The following SGCZ variants were observed in gnomAD, a reference collection of about 807,000 sequenced individuals.
The protein encoded by SGCZ is zeta-sarcoglycan.
In SGCZ, 40 loss-of-function variants were observed where a neutral mutation model predicts 41.3. That is an observed-to-expected ratio of 0.97 (90% CI 0.75 to 1.26). SGCZ has a LOEUF of 1.26. Among genes scored for constraint, SGCZ ranks in the 50% most tolerant of loss-of-function variants. The pLI, the probability that SGCZ is intolerant of heterozygous loss-of-function variation, is 0.00. For synonymous variants in SGCZ, 206 were observed against 137.5 expected (o/e 1.50, Z -3.49); for missense variants, 552 against 369.8 (o/e 1.49, Z -4.04).
intron 1 of SGCZ, among the ~76,000 whole-genome samples, chr8:15,033,117 G>A (rs1385487724): frequency 6.6e-6 from 1 of 151,950 alleles, no homozygotes; most frequent in African/African-American, 2.4e-5. Flanking sequence ...GTCCAGGCCT[G>A]CTTTAAGAGT....
Position 14,942,417 on chromosome 8 carries a change from G to C in SGCZ, c.39+295168C>G, listed in dbSNP as rs140682656. 6.6e-5 allele frequency among the ~76,000 whole-genome samples: 10 copies of C among 152,174 alleles called. No individual in the cohort carries two copies. The East Asian group carries it at 1.9e-3, about 29-fold the overall frequency. ...TAGTAGCAGTTAGCAATTAATTCCTGGGGTAACTCTTTTAACAAACTAAAG... is the reference window on the plus strand; with the variant it reads ...TAGTAGCAGTTAGCAATTAATTCCTCGGGTAACTCTTTTAACAAACTAAAG... On this transcript the variant is annotated intron_variant, in intron 1 of 7. Coordinates refer to ENST00000382080, the MANE Select transcript of SGCZ (RefSeq NM_139167.4).
At chr8:14,568,151 G>A (rs566783186) in intron 1 of SGCZ, among the ~76,000 whole-genome samples, 2 of 151,864 alleles carry the variant, frequency 1.3e-5, no homozygotes, top group South Asian at 2.1e-4. Flanking sequence ...ACCAAACACC[G>A]CATATTCTCA....
chr8:14,520,980 G>A (rs1257532352), intron 2 of SGCZ, among the ~76,000 whole-genome samples: 1 of 152,110 alleles, frequency 6.6e-6, no homozygotes, highest in Non-Finnish European at 1.5e-5. Context: ...GTATATAATT[G>A]CTTTAATTAC....
At chr8:15,230,184 T>TA (rs1563196913) in intron 1 of SGCZ, among the ~76,000 whole-genome samples, 19 of 122,302 alleles carry the variant, frequency 1.6e-4, no homozygotes, top group Non-Finnish European at 2.4e-4. Flanking sequence ...AGGATACTAG[T>TA]TAAAAAAAAA....
chr8:14,246,909 C>CAAAAAA (rs5889525), intron 3 of SGCZ, among the ~76,000 whole-genome samples: 2 of 84,344 alleles, frequency 2.4e-5, no homozygotes, highest in African/African-American at 4.6e-5. Context: ...GACTCCATCT[C>CAAAAAA]AAAAAAAAAA....
rs1799841352 is a variant in SGCZ at position 14,428,135 on chromosome 8, TA to T, written c.235-103932del. ...ACACACACACACACACACACACACATATATATATATATATACACACACACAC... is the reference window on the plus strand; with the variant it reads ...ACACACACACACACACACACACACATTATATATATATATACACACACACAC... On this transcript the variant is annotated intron_variant, in intron 2 of 7. Coordinates refer to ENST00000382080, the MANE Select transcript of SGCZ (RefSeq NM_139167.4). Among the ~76,000 whole-genome samples the T allele has an allele frequency of 1.6e-3, 26 of 16,738 alleles. No individual in the cohort carries two copies. The East Asian group carries it at 0.025, about 16-fold the overall frequency. 11.0% of individuals were successfully genotyped at this position (16,738 alleles called of 152,430 possible).
At chr8:15,110,956 T>C (rs920265094) in intron 1 of SGCZ, among the ~76,000 whole-genome samples, 37 of 152,070 alleles carry the variant, frequency 2.4e-4, no homozygotes, top group African/African-American at 8.4e-4. Context: ...CAAAAAAAAG[T>C]GAAACTCCAT....
At chr8:14,788,473 G>A (rs972801853) in intron 1 of SGCZ, among the ~76,000 whole-genome samples, 3 of 152,152 alleles carry the variant, frequency 2.0e-5, no homozygotes, top group African/African-American at 4.8e-5. Context: ...GTGAAATTTT[G>A]TTGGGGCAGC....
chr8:14,684,068 C>A (rs993234), intron 1 of SGCZ, among the ~76,000 whole-genome samples: 5 of 152,172 alleles, frequency 3.3e-5, no homozygotes, highest in Admixed American at 6.5e-5. Flanking sequence ...ATTATGAAAC[C>A]CAACATGCCA....
chr8:15,237,156 G>A (rs1365944087), intron 1 of SGCZ, among the ~76,000 whole-genome samples: 2 of 152,220 alleles, frequency 1.3e-5, no homozygotes, highest in East Asian at 1.9e-4. Flanking sequence ...CTGGGGCACA[G>A]GCGGGATCGG....
intron 1 of SGCZ, among the ~76,000 whole-genome samples, chr8:14,798,492 G>T (rs1335285810): frequency 6.6e-6 from 1 of 152,030 alleles, no homozygotes; most frequent in Non-Finnish European, 1.5e-5. Flanking sequence ...AATAAACTAT[G>T]TACATGAAGA....
At chr8:15,141,910 C>CA (rs1171474541) in intron 1 of SGCZ, among the ~76,000 whole-genome samples, 2 of 134,920 alleles carry the variant, frequency 1.5e-5, no homozygotes, top group East Asian at 2.3e-4. Flanking sequence ...AAAAAAAAAA[C>CA]AAAAAAAATG....
chr8:14,760,970 G>C (rs1175356198), intron 1 of SGCZ, among the ~76,000 whole-genome samples: 1 of 152,168 alleles, frequency 6.6e-6, no homozygotes, highest in African/African-American at 2.4e-5. Flanking sequence ...TTGTTAAACT[G>C]TTGGATGTCA....
intron 1 of SGCZ, among the ~76,000 whole-genome samples, chr8:15,196,025 G>A (rs1800718257): frequency 6.9e-6 from 1 of 145,376 alleles, no homozygotes; most frequent in Non-Finnish European, 1.5e-5. Flanking sequence ...AGCCTCCCGA[G>A]TAGCTGGGAC....
In SGCZ at chr8:14,849,312, A is replaced by G. The variant is rs187104292; in HGVS notation, c.40-294386T>C. 6.0e-4 allele frequency among the ~76,000 whole-genome samples: 91 copies of G among 152,220 alleles called. 1 individual carries two copies. Among genetic ancestry groups the G allele is most frequent in the Middle Eastern group, 6.8e-3 (2 of 294 alleles). On this transcript the variant is annotated intron_variant, in intron 1 of 7. Transcript: ENST00000382080. ...ACTGTATACAGCAACCATATGATCCAACCATTCCACTCCCAGATATCTCAC... is the reference window on the plus strand; with the variant it reads ...ACTGTATACAGCAACCATATGATCCGACCATTCCACTCCCAGATATCTCAC...
intron 4 of SGCZ, among the ~76,000 whole-genome samples, chr8:14,236,119 C>T (rs1375952582): frequency 1.3e-5 from 2 of 152,118 alleles, no homozygotes; most frequent in African/African-American, 2.4e-5. Context: ...AGGTTAGGCC[C>T]GTTTCCATAG....
chr8:14,434,944 A>G (rs926094194), intron 2 of SGCZ, among the ~76,000 whole-genome samples: 1 of 152,118 alleles, frequency 6.6e-6, no homozygotes, highest in African/African-American at 2.4e-5. Context: ...TCTTTTGGGG[A>G]GTTGATCTTA....
intron 5 of SGCZ, among the ~76,000 whole-genome samples, chr8:14,133,798 T>A (rs569841438): frequency 7.7e-4 from 118 of 152,350 alleles, no homozygotes; most frequent in Non-Finnish European, 1.4e-3. Context: ...GAGCTGCTGC[T>A]CCATCATTTC....
At chr8:14,553,115 C>T (rs1302567817) in intron 2 of SGCZ, among the ~76,000 whole-genome samples, 1 of 152,008 alleles carries the variant, frequency 6.6e-6, no homozygotes, top group East Asian at 1.9e-4. Flanking sequence ...ATAAACATTG[C>T]TCCTACCATA....
Sources: allele counts gnomAD v4.1 joint callset (sites outside exome capture counted in the v4.1 genomes callset), GRCh38; gene constraint gnomAD v4.1.1; transcripts MANE v1.5; gene names NCBI Gene and HGNC (gene_info 2026-07-23, HGNC 2026-07-21).